KCNIP4: variants seen among roughly 807,000 people sequenced by gnomAD.
KCNIP4 encodes potassium voltage-gated channel interacting protein 4.
In KCNIP4, 12 loss-of-function variants were observed where a neutral mutation model predicts 34.0. That is an observed-to-expected ratio of 0.35 (90% confidence interval 0.23 to 0.57). The LOEUF is 0.57. Ranked by LOEUF, KCNIP4 falls within the 20% of genes least tolerant of loss-of-function variation. KCNIP4 has a pLI of 0.83. For missense variants in KCNIP4, 238 were observed against 311.7 expected, an observed-to-expected ratio of 0.76 and a Z score of 1.78; for synonymous variants, 124 against 102.2, an observed-to-expected ratio of 1.21 and a Z score of -1.29.
chr4:21,031,849 C>T (rs1237753231), intron 1 of KCNIP4, among the ~76,000 whole-genome samples: 1 of 152,172 alleles, frequency 6.6e-6, no homozygotes, highest in Non-Finnish European at 1.5e-5. Context: ...ACTTCTAAAG[C>T]AAAGCTTTTC....
chr4:21,104,569 C>A lies in KCNIP4; in HGVS notation c.62-221860G>T, dbSNP rs538084167. On this transcript the variant is annotated intron_variant, in intron 1 of 8. Coordinates refer to ENST00000382152, the MANE Select transcript of KCNIP4 (RefSeq NM_025221.6). ...TGCCTGTTCACTCTGATGGTAGTTT[C>A]TTTTGCTGTGCAGAAGCTCTTTAGT... is the stretch of plus-strand genomic sequence containing the variant. Among the ~76,000 whole-genome samples, 24 of 152,184 alleles carry A rather than the reference C, an allele frequency of 1.6e-4. No homozygotes were observed. The East Asian group carries it at 2.7e-3, about 17-fold the overall frequency.
intron 1 of KCNIP4, among the ~76,000 whole-genome samples, chr4:21,756,085 T>G (rs1376914956): frequency 6.6e-6 from 1 of 152,206 alleles, no homozygotes; most frequent in Middle Eastern, 3.2e-3. Flanking sequence ...TAAAGAAATA[T>G]CAACTGATAC....
At chr4:20,850,867 G>T (rs1720945910) in intron 2 of KCNIP4, 200 bp from the exon 3 acceptor site, 2 of 458,720 alleles carry the variant, frequency 4.4e-6, no homozygotes, top group Non-Finnish European at 7.5e-6. Flanking sequence ...TGATTTTTTT[G>T]CATATTCTTG....
intron 1 of KCNIP4, among the ~76,000 whole-genome samples, chr4:21,592,576 T>C (rs542932715): frequency 6.6e-6 from 1 of 152,226 alleles, no homozygotes; most frequent in Admixed American, 6.5e-5. Context: ...GAGCTCTCAG[T>C]AATTTTGTTC....
intron 1 of KCNIP4, among the ~76,000 whole-genome samples, chr4:21,738,028 C>T (rs1483038433): frequency 1.3e-5 from 2 of 151,670 alleles, no homozygotes; most frequent in Admixed American, 1.3e-4. Context: ...GGAGGTGGAG[C>T]TTGCAGTGAG....
At chr4:21,108,238 C>G (rs931764794) in intron 1 of KCNIP4, among the ~76,000 whole-genome samples, 1 of 148,478 alleles carries the variant, frequency 6.7e-6, no homozygotes, top group Admixed American at 6.7e-5. Context: ...TCAGGTACAC[C>G]AATCAGACGT....
intron 3 of KCNIP4, among the ~76,000 whole-genome samples, chr4:20,765,454 G>T (rs141107453): frequency 2.0e-5 from 3 of 152,164 alleles, no homozygotes; most frequent in Non-Finnish European, 4.4e-5. Flanking sequence ...AAAATTTATT[G>T]TGCATTGTAG....
At chr4:21,427,121 C>A (rs371133144) in intron 1 of KCNIP4, among the ~76,000 whole-genome samples, 3 of 151,596 alleles carry the variant, frequency 2.0e-5, no homozygotes, top group Admixed American at 6.6e-5. Context: ...TTAGTAGGAA[C>A]CTTAACAAGA....
intron 4 of KCNIP4, among the ~76,000 whole-genome samples, chr4:20,755,234 A>G (rs1368068385): frequency 6.6e-6 from 1 of 152,172 alleles, no homozygotes; most frequent in East Asian, 1.9e-4. Context: ...TAATTCTTTT[A>G]AAAGTCCACC....
chr4:21,132,927 T>C (rs1351360025), intron 1 of KCNIP4, among the ~76,000 whole-genome samples: 1 of 150,758 alleles, frequency 6.6e-6, no homozygotes, highest in Non-Finnish European at 1.5e-5. Context: ...GCAGGAGAAT[T>C]GCTTGAACCC....
intron 1 of KCNIP4, among the ~76,000 whole-genome samples, chr4:21,003,259 G>A (rs767304039): frequency 2.6e-5 from 4 of 152,096 alleles, no homozygotes; most frequent in Admixed American, 6.5e-5. Flanking sequence ...TTCTACCAAC[G>A]TCTATCTTCC....
intron 1 of KCNIP4, among the ~76,000 whole-genome samples, chr4:21,713,466 A>G (rs1195214753): frequency 6.6e-6 from 1 of 152,220 alleles, no homozygotes; most frequent in East Asian, 1.9e-4. Flanking sequence ...TTCTTTAAAA[A>G]AATTACTAAT....
intron 1 of KCNIP4, among the ~76,000 whole-genome samples, chr4:21,266,526 G>A (rs184844955): frequency 1.6e-4 from 24 of 152,310 alleles, no homozygotes; most frequent in Middle Eastern, 3.4e-3. Flanking sequence ...AGCCAGAATG[G>A]AATGTGACTC....
chr4:21,449,271 C>T (rs1728306266), intron 1 of KCNIP4, among the ~76,000 whole-genome samples: 3 of 152,172 alleles, frequency 2.0e-5, no homozygotes, highest in Non-Finnish European at 1.5e-5. Flanking sequence ...ATAGGAATGC[C>T]TATAACCATT....
At chr4:20,793,344 G>T (rs1713022329) in intron 3 of KCNIP4, among the ~76,000 whole-genome samples, 1 of 152,122 alleles carries the variant, frequency 6.6e-6, no homozygotes, top group South Asian at 2.1e-4. Flanking sequence ...TTTAGAAACT[G>T]CAAATTAGTC....
At chr4:21,673,911 A>G (rs1472158359) in intron 1 of KCNIP4, among the ~76,000 whole-genome samples, 1 of 152,222 alleles carries the variant, frequency 6.6e-6, no homozygotes. Flanking sequence ...CAGTTAATTG[A>G]CACATTATTG....
intron 1 of KCNIP4, among the ~76,000 whole-genome samples, chr4:21,337,754 T>C (rs1185756148): frequency 6.6e-6 from 1 of 152,198 alleles, no homozygotes; most frequent in African/African-American, 2.4e-5. Context: ...TTATTGGTTA[T>C]AAACATGGAC....
At chr4:20,862,709 G>T (rs1025923470) in intron 2 of KCNIP4, among the ~76,000 whole-genome samples, 1 of 152,226 alleles carries the variant, frequency 6.6e-6, no homozygotes, top group East Asian at 1.9e-4. Context: ...CAAAGGCATG[G>T]AATCAACCTA....
chr4:21,471,403 T>C (rs1730458420), intron 1 of KCNIP4, among the ~76,000 whole-genome samples: 1 of 152,102 alleles, frequency 6.6e-6, no homozygotes, highest in Non-Finnish European at 1.5e-5. Flanking sequence ...AGGAACAGAA[T>C]TGGGAGAGTT....
Sources: allele counts gnomAD v4.1 joint callset (sites outside exome capture counted in the v4.1 genomes callset), GRCh38; gene constraint gnomAD v4.1.1; transcripts MANE v1.5; gene names NCBI Gene and HGNC (gene_info 2026-07-23, HGNC 2026-07-21).